Variants in CTNNA3 observed in about 807,000 individuals in gnomAD.
CTNNA3 encodes catenin alpha-3.
Under a neutral mutation model 95.7 loss-of-function variants are expected in CTNNA3, and 76 were observed. That is an observed-to-expected ratio of 0.79 (90% CI 0.66 to 0.96). CTNNA3 has a LOEUF of 0.96. CTNNA3 is among the 40% of genes least tolerant of loss of function. The pLI is 0.00. For synonymous variants in CTNNA3, 431 were observed against 374.4 expected, an observed-to-expected ratio of 1.15 and a Z score of -1.74; for missense variants, 1,191 against 1,089.8, an observed-to-expected ratio of 1.09 and a Z score of -1.31.
chr10:66,175,878 G>C (rs1258449830), intron 13 of CTNNA3, among the ~76,000 whole-genome samples: 1 of 152,122 alleles, frequency 6.6e-6, no homozygotes, highest in Non-Finnish European at 1.5e-5. Flanking sequence ...CTGACCCAAT[G>C]AAAAACATGC....
At chr10:66,934,387 G>C (rs1188342331) in intron 7 of CTNNA3, among the ~76,000 whole-genome samples, 1 of 151,880 alleles carries the variant, frequency 6.6e-6, no homozygotes, top group African/African-American at 2.4e-5. Context: ...ACCAAAAAAT[G>C]TCTTCCTTTA....
Position 66,520,607 on chromosome 10 carries a change from A to T in CTNNA3, c.1531+10T>A. The T allele has an allele frequency of 6.3e-7, 1 of 1,593,290 alleles. No individual in the cohort carries two copies. The highest frequency in any genetic ancestry group is 2.3e-5 in the East Asian group (1 of 43,516). Reference sequence around the variant, plus strand: ...GAGAAAATAAACAAATTAAAAGAATAAAAACATACCAGATACAGCAAGGAA... The same window carrying T: ...GAGAAAATAAACAAATTAAAAGAATTAAAACATACCAGATACAGCAAGGAA... On this transcript the variant is annotated intron_variant, in intron 11 of 17. Coordinates refer to ENST00000433211, the MANE Select transcript of CTNNA3 (RefSeq NM_013266.4).
At chr10:67,431,975 A>G (rs1589283525) in intron 5 of CTNNA3, among the ~76,000 whole-genome samples, 1 of 152,070 alleles carries the variant, frequency 6.6e-6, no homozygotes, top group Admixed American at 6.6e-5. Flanking sequence ...TCTGAACTCC[A>G]CCTTCTCCTC....
rs1862455128 is a variant in CTNNA3 at position 67,180,244 on chromosome 10, G to A, written c.1047+73C>T. 8 of 1,250,880 alleles carry A rather than the reference G, an allele frequency of 6.4e-6. No homozygotes were observed. In the South Asian group the frequency reaches 9.6e-5, roughly 15 times the overall value. The allele number at this position is 1,250,880 out of a possible 1,614,324, so 77.5% of individuals were successfully genotyped here. A position where few individuals can be genotyped will look rare whatever the true frequency, so the allele number is the denominator to read the frequency against. Reference sequence around the variant, plus strand: ...TGTAATTTACCCTATTTTGTATACGGAAAGTATCTCAGCCTATATTCAAAG... The same window carrying A: ...TGTAATTTACCCTATTTTGTATACGAAAAGTATCTCAGCCTATATTCAAAG... On this transcript the variant is annotated intron_variant, in intron 7 of 17. Transcript: ENST00000433211.
At chr10:67,622,873 T>C (rs1027431333) in intron 2 of CTNNA3, among the ~76,000 whole-genome samples, 2 of 152,246 alleles carry the variant, frequency 1.3e-5, no homozygotes, top group Admixed American at 1.3e-4. Context: ...ATTAAGTTTA[T>C]TTCTTCATCC....
At chr10:66,482,518 G>A (rs986883313) in intron 11 of CTNNA3, among the ~76,000 whole-genome samples, 1 of 152,060 alleles carries the variant, frequency 6.6e-6, no homozygotes, top group Non-Finnish European at 1.5e-5. Context: ...TTAAGTAGGA[G>A]ATTTCTGAGC....
In CTNNA3 at chr10:66,691,288, C is replaced by T. The variant is rs564845798; in HGVS notation, c.1282-69504G>A. ...GCGCTTTTCTGATGGGCTTAAAAAA[C>T]GGCGCACCAGGAGATTATATCCCAC... On this transcript the variant is annotated intron_variant, in intron 9 of 17. Transcript: ENST00000433211. Among the ~76,000 whole-genome samples the T allele has an allele frequency of 4.3e-3, 659 of 152,288 alleles. 3 individuals are homozygous for T. The highest frequency in any genetic ancestry group is 0.015 in the African/African-American group (618 of 41,562).
intron 14 of CTNNA3, among the ~76,000 whole-genome samples, chr10:66,090,800 G>A (rs549885575): frequency 1.3e-5 from 2 of 152,076 alleles, no homozygotes; most frequent in East Asian, 3.9e-4. Context: ...CCAAGCTTTA[G>A]ATGTTTAGAG....
At chr10:67,147,574 T>C (rs995967665) in intron 7 of CTNNA3, among the ~76,000 whole-genome samples, 2 of 152,222 alleles carry the variant, frequency 1.3e-5, no homozygotes, top group African/African-American at 4.8e-5. Context: ...AAGAATAAAC[T>C]GAGATAAATG....
At chr10:66,069,160 G>A (rs2080375259) in intron 15 of CTNNA3, 148 bp downstream of exon 15, 1 of 705,000 alleles carries the variant, frequency 1.4e-6, no homozygotes, top group Non-Finnish European at 2.4e-6. Context: ...CTCTAGAATT[G>A]TACACCTACA....
At chr10:66,315,828 T>A (rs2092093511) in intron 12 of CTNNA3, among the ~76,000 whole-genome samples, 1 of 152,070 alleles carries the variant, frequency 6.6e-6, no homozygotes, top group African/African-American at 2.4e-5. Flanking sequence ...TCCTACAACA[T>A]GATAAAACTC....
chr10:65,933,644 T>TA lies in CTNNA3; in HGVS notation c.2401-13028dup, dbSNP rs897169146. Among the ~76,000 whole-genome samples, 11 of 151,548 alleles carry TA rather than the reference T, an allele frequency of 7.3e-5. No individual in the cohort carries two copies. The South Asian group carries it at 1.2e-3, about 17-fold the overall frequency. ...TAAGATCTTCCTCATAACACCAGTG[T>TA]AAAAAAAAATGGCCATGTTCTAAGA... On this transcript the variant is annotated intron_variant, in intron 17 of 17. Transcript: ENST00000433211.
chr10:66,747,883 T>G, intron 9 of CTNNA3, among the ~76,000 whole-genome samples: 1 of 152,156 alleles, frequency 6.6e-6, no homozygotes, highest in East Asian at 1.9e-4. Flanking sequence ...TTTATAACAA[T>G]CATAAAAATA....
chr10:67,758,327 C>T (rs10997799), intron 1 of CTNNA3, among the ~76,000 whole-genome samples: 30,665 of 110,462 alleles, frequency 0.28, 3,183 homozygotes, highest in African/African-American at 0.38. Context: ...TATATATACA[C>T]ACACACACAC....
upstream of CTNNA3, among the ~76,000 whole-genome samples, chr10:67,697,656 T>C (rs1382144521): frequency 1.3e-5 from 2 of 152,200 alleles, no homozygotes; most frequent in African/African-American, 4.8e-5. Flanking sequence ...AGAGATGCAA[T>C]ACAGATAAAA....
At chr10:67,504,772 A>G (rs971096844) in intron 5 of CTNNA3, among the ~76,000 whole-genome samples, 1 of 152,212 alleles carries the variant, frequency 6.6e-6, no homozygotes, top group African/African-American at 2.4e-5. Context: ...TCTTAAACCC[A>G]GAGTTATTTA....
At chr10:67,712,084 C>G (rs951470370) in intron 1 of CTNNA3, among the ~76,000 whole-genome samples, 4 of 152,056 alleles carry the variant, frequency 2.6e-5, no homozygotes, top group Non-Finnish European at 4.4e-5. Flanking sequence ...CACATGCACA[C>G]GTATGTTTAT....
At chr10:67,609,780 G>C (rs988712322) in intron 2 of CTNNA3, among the ~76,000 whole-genome samples, 1 of 152,098 alleles carries the variant, frequency 6.6e-6, no homozygotes, top group African/African-American at 2.4e-5. Context: ...ATTGGTTATA[G>C]GAATCTTTAA....
At chr10:65,932,008 CA>C (rs2133146347) in intron 17 of CTNNA3, among the ~76,000 whole-genome samples, 1 of 152,240 alleles carries the variant, frequency 6.6e-6, no homozygotes, top group Admixed American at 6.5e-5. Context: ...TGTGTAAATT[CA>C]AAGAATAAAG....
Sources: gnomAD v4.1 joint callset for allele counts (sites outside exome capture counted in the v4.1 genomes callset) on GRCh38, gnomAD v4.1.1 for gene constraint, MANE v1.5 for transcripts, NCBI Gene and HGNC (gene_info 2026-07-23, HGNC 2026-07-21) for gene names.